Variants in SLC35D2 observed in about 807,000 individuals in gnomAD.
SLC35D2 encodes the protein nucleotide sugar transporter SLC35D2.
Under a neutral mutation model 41.8 loss-of-function variants are expected in SLC35D2, and 43 were observed. The ratio of observed to expected loss-of-function variants is 1.03; its 90% CI spans 0.81 to 1.33. The LOEUF is 1.33. SLC35D2 is among the 40% of genes most tolerant of loss of function. The pLI is 0.00. For synonymous variants in SLC35D2, 150 were observed against 163.9 expected (o/e 0.92, Z 0.65); for missense variants, 380 against 408.4 (o/e 0.93, Z 0.60).
chr9:96,330,904 TTTTATTTA>T (rs572037042), intron 9 of SLC35D2, among the ~76,000 whole-genome samples: 1 of 146,842 alleles, frequency 6.8e-6, no homozygotes, highest in African/African-American at 2.4e-5. Flanking sequence ...TTCACCCTGA[TTTTATTTA>T]TTTATTTATT....
rs1831296742 is a variant in SLC35D2, at chr9:96,383,510, A to C, written c.125T>G (p.Val42Gly). ...LFYGTCSFLI[V>G]LVNKALLTTY... ...GGTCAGCAGCGCCTTGTTGACAAGC[A>C]CGATGAGGAAGGAGCAGGTCCCGTA... The change falls in exon 1 of 12, where the codon GTG becomes GGG. Residue 42 changes from valine (V) to glycine (G), a missense_variant. Coordinates refer to ENST00000253270, the MANE Select transcript of SLC35D2 (RefSeq NM_007001.3). 1.3e-6 allele frequency: 2 copies of C among 1,536,756 alleles called. No individual in the cohort carries two copies. Among genetic ancestry groups the C allele is most frequent in the South Asian group, 1.2e-5 (1 of 83,684 alleles).
intron 9 of SLC35D2, 58 bp from the exon 10 acceptor site, chr9:96,324,227 T>C: frequency 3.5e-6 from 5 of 1,446,530 alleles, no homozygotes; most frequent in Admixed American, 1.7e-5. Context: ...TAATGACAAA[T>C]AGGTTAAGGC....
intron 1 of SLC35D2, among the ~76,000 whole-genome samples, chr9:96,380,957 G>A (rs1319613571): frequency 6.6e-6 from 1 of 152,148 alleles, no homozygotes; most frequent in Non-Finnish European, 1.5e-5. Context: ...GACGGCCACA[G>A]GATCACCAAA....
At chr9:96,358,118 G>C (rs1434748840) in intron 4 of SLC35D2, among the ~76,000 whole-genome samples, 2 of 107,154 alleles carry the variant, frequency 1.9e-5, no homozygotes, top group Non-Finnish European at 3.5e-5. Flanking sequence ...ACCTGCAATG[G>C]AATATTAATC....
intron 6 of SLC35D2, among the ~76,000 whole-genome samples, chr9:96,349,766 T>G (rs910071388): frequency 1.3e-5 from 2 of 152,184 alleles, no homozygotes; most frequent in African/African-American, 2.4e-5. Context: ...CTTCAGGTGA[T>G]GCACCCGCCT....
At chr9:96,328,089 G>A (rs953536586) in intron 9 of SLC35D2, among the ~76,000 whole-genome samples, 6 of 152,126 alleles carry the variant, frequency 3.9e-5, no homozygotes, top group Non-Finnish European at 7.4e-5. Flanking sequence ...AAGAACCTTC[G>A]TTAACTCAGT....
chr9:96,354,101 T>A (rs1433079068), intron 4 of SLC35D2, among the ~76,000 whole-genome samples: 1 of 152,266 alleles, frequency 6.6e-6, no homozygotes, highest in Non-Finnish European at 1.5e-5. Context: ...AAACGCTTTA[T>A]ATTTTCAATT....
At chr9:96,331,651 C>A (rs1381897894) in intron 9 of SLC35D2, among the ~76,000 whole-genome samples, 1 of 152,126 alleles carries the variant, frequency 6.6e-6, no homozygotes, top group African/African-American at 2.4e-5. Flanking sequence ...GAAAAATGAA[C>A]CTCTAAATAG....
chr9:96,342,604 G>A (rs971632710), intron 8 of SLC35D2, among the ~76,000 whole-genome samples: 50 of 152,164 alleles, frequency 3.3e-4, no homozygotes, highest in African/African-American at 1.1e-3. Flanking sequence ...GGAGGCTCAG[G>A]TTCACAACGT....
intron 9 of SLC35D2, among the ~76,000 whole-genome samples, chr9:96,335,051 T>G (rs1345580184): frequency 1.3e-5 from 2 of 152,182 alleles, no homozygotes; most frequent in Non-Finnish European, 2.9e-5. Context: ...GAAATCAAGT[T>G]TGAGAATTGA....
rs1171542261 is a variant in SLC35D2 at position 96,320,979 on chromosome 9, C to A, written c.*263G>T. The stretch of plus-strand genomic sequence containing the variant: ...AAGGCCCCATAGGTCCCTAGAAGAG[C>A]AGCTGGGGCTCCACCTACCGAGTCC... On this transcript the variant is annotated 3_prime_UTR_variant, in exon 12 of 12. Transcript: ENST00000253270. 5.7e-6 allele frequency: 2 copies of A among 352,134 alleles called. No homozygotes were observed. Among genetic ancestry groups the A allele is most frequent in the Non-Finnish European group, 5.2e-6 (1 of 191,436 alleles). The allele number at this position is 352,134 out of a possible 1,614,324, so 21.8% of individuals were successfully genotyped here. A position where few individuals can be genotyped will look rare whatever the true frequency, so the allele number is the denominator to read the frequency against.
chr9:96,355,710 T>TG, intron 4 of SLC35D2, among the ~76,000 whole-genome samples: 1 of 151,490 alleles, frequency 6.6e-6, no homozygotes, highest in East Asian at 2.0e-4. Flanking sequence ...TTGGTCAGGC[T>TG]GGTCTCGAAC....
intron 11 of SLC35D2, 89 bp from the exon 12 acceptor site, chr9:96,321,430 G>C (rs543405946): frequency 1.2e-6 from 1 of 807,106 alleles, no homozygotes; most frequent in East Asian, 2.5e-5. Flanking sequence ...CAATACACCT[G>C]CTTCATGCGG....
chr9:96,377,481 A>G (rs1231246486), intron 1 of SLC35D2, among the ~76,000 whole-genome samples: 1 of 152,204 alleles, frequency 6.6e-6, no homozygotes, highest in Non-Finnish European at 1.5e-5. Context: ...CCAGCACAGT[A>G]TGTAACATTT....
At chr9:96,336,050 CAAAA>C (rs56681611) in intron 9 of SLC35D2, among the ~76,000 whole-genome samples, 1 of 110,266 alleles carries the variant, frequency 9.1e-6, no homozygotes. Flanking sequence ...ACTCCATCTT[CAAAA>C]AAAAAAAAAA....
At chr9:96,360,877 G>A (rs1286336348) in intron 3 of SLC35D2, among the ~76,000 whole-genome samples, 1 of 151,892 alleles carries the variant, frequency 6.6e-6, no homozygotes, top group Non-Finnish European at 1.5e-5. Context: ...GAGTAGCTGG[G>A]ATTACAGGCA....
chr9:96,381,415 CCATT>C (rs1418670687), intron 1 of SLC35D2, among the ~76,000 whole-genome samples: 2 of 152,196 alleles, frequency 1.3e-5, no homozygotes, highest in African/African-American at 4.8e-5. Flanking sequence ...GCTACCATTC[CCATT>C]CAAACTCTTC....
At chr9:96,328,228 T>C (rs929684251) in intron 9 of SLC35D2, among the ~76,000 whole-genome samples, 47 of 125,252 alleles carry the variant, frequency 3.8e-4, no homozygotes, top group African/African-American at 1.4e-3. Flanking sequence ...GAATTCTTAG[T>C]AACCTTTTTT....
intron 1 of SLC35D2, among the ~76,000 whole-genome samples, chr9:96,381,460 G>A (rs756393958): frequency 5.5e-4 from 84 of 151,914 alleles, no homozygotes; most frequent in Admixed American, 1.1e-3. Flanking sequence ...CTCTTCCCCC[G>A]TCCCCCAGTG....
Sources: allele counts gnomAD v4.1 joint callset (sites outside exome capture counted in the v4.1 genomes callset), GRCh38; gene constraint gnomAD v4.1.1; transcripts MANE v1.5; gene names NCBI Gene and HGNC (gene_info 2026-07-23, HGNC 2026-07-21).